ADAMTS17: variants seen among roughly 807,000 people sequenced by gnomAD.
ADAMTS17 encodes ADAM metallopeptidase with thrombospondin type 1 motif 17.
ADAMTS17 carries 113 observed loss-of-function variants against 141.5 expected under a neutral mutation model. The ratio of observed to expected loss-of-function variants is 0.80; its 90% CI spans 0.69 to 0.93. The LOEUF is 0.93. Ranked by LOEUF, ADAMTS17 falls within the 40% of genes least tolerant of loss-of-function variation. The probability of loss-of-function intolerance (pLI) is 0.00; values close to 1 mark genes in which losing one functional copy is unlikely to be tolerated. For synonymous variants in ADAMTS17, 768 were observed against 630.6 expected, an observed-to-expected ratio of 1.22 and a Z score of -3.27; for missense variants, 1,659 against 1,517.9, an observed-to-expected ratio of 1.09 and a Z score of -1.54.
chr15:100,235,592 G>A (rs558278998), intron 7 of ADAMTS17, among the ~76,000 whole-genome samples: 2 of 152,250 alleles, frequency 1.3e-5, no homozygotes, highest in South Asian at 2.1e-4. Context: ...GAAGGACCCC[G>A]AGGAAGCTGA....
intron 15 of ADAMTS17, among the ~76,000 whole-genome samples, chr15:100,058,171 T>C (rs1300596485): frequency 2.9e-5 from 4 of 138,658 alleles, no homozygotes; most frequent in Non-Finnish European, 6.2e-5. Context: ...CTAACCCTCC[T>C]ATCCCGGCTC....
At chr15:100,158,027 T>C (rs1169270538) in intron 8 of ADAMTS17, among the ~76,000 whole-genome samples, 1 of 152,116 alleles carries the variant, frequency 6.6e-6, no homozygotes, top group Non-Finnish European at 1.5e-5. Flanking sequence ...TAGCTGGGAC[T>C]AGAGGCACGC....
intron 8 of ADAMTS17, among the ~76,000 whole-genome samples, chr15:100,160,487 G>A (rs779933962): frequency 6.6e-6 from 1 of 152,192 alleles, no homozygotes; most frequent in Non-Finnish European, 1.5e-5. Flanking sequence ...TTTCTCAGTA[G>A]ACAACTTGGT....
At chr15:100,017,761 G>A (rs535573861) in intron 18 of ADAMTS17, among the ~76,000 whole-genome samples, 1 of 152,344 alleles carries the variant, frequency 6.6e-6, no homozygotes, top group Non-Finnish European at 1.5e-5. Context: ...CAGTGGGTCT[G>A]TGAGTCCTCT....
intron 7 of ADAMTS17, among the ~76,000 whole-genome samples, chr15:100,201,387 C>T (rs115360153): frequency 0.029 from 4,481 of 152,316 alleles, 231 homozygotes; most frequent in African/African-American, 0.1. Context: ...CTTTCCCCTT[C>T]AGCCATGATT....
rs143030288 is a variant in ADAMTS17, at chr15:100,104,493, G to T, written c.2016+4496C>A. 1.1e-4 allele frequency among the ~76,000 whole-genome samples: 16 copies of T among 152,262 alleles called. No individual in the cohort carries two copies. The East Asian group carries it at 1.2e-3, about 11-fold the overall frequency. ...TCAGCCTGCTATTTGGAGTGCAGTG[G>T]AATCTACTCAAAATGCCATTTTGAA... is the stretch of plus-strand genomic sequence containing the variant. On this transcript the variant is annotated intron_variant, in intron 14 of 21. Transcript: ENST00000268070.
At chr15:100,194,061 G>A (rs866464532) in intron 8 of ADAMTS17, among the ~76,000 whole-genome samples, 1 of 152,238 alleles carries the variant, frequency 6.6e-6, no homozygotes, top group Non-Finnish European at 1.5e-5. Context: ...TTTCTGCAAT[G>A]AGAAACCTTT....
At chr15:100,180,814 A>T (rs575805198) in intron 8 of ADAMTS17, among the ~76,000 whole-genome samples, 6 of 152,302 alleles carry the variant, frequency 3.9e-5, no homozygotes, top group African/African-American at 1.4e-4. Flanking sequence ...TGTAACCACT[A>T]CCTAGATACT....
At chr15:100,278,466 AAGC>A (rs1321840267) in intron 4 of ADAMTS17, among the ~76,000 whole-genome samples, 1 of 152,208 alleles carries the variant, frequency 6.6e-6, no homozygotes, top group Non-Finnish European at 1.5e-5. Context: ...CCACGTCGGA[AAGC>A]AGATCCCTGG....
At position 100,281,313 on chromosome 15, in the gene ADAMTS17, C is replaced by T. The variant is rs1227300943; in HGVS notation, c.705G>A (p.Glu235=). The change falls in exon 4 of 22, where the codon GAG becomes GAA. Residue 235 remains glutamate, a synonymous_variant. Coordinates refer to ENST00000268070, the MANE Select transcript of ADAMTS17 (RefSeq NM_139057.4). ...TGTCGGCGTCGGCCACCACCAGGGT[C>T]TCCACCGTGTGCTCGCTGGTGAGCC... ...AIRLTSEHTV[E]TLVVADADMV... is the part of the protein sequence containing the mutation. The T allele has an allele frequency of 1.2e-6, 2 of 1,610,018 alleles. No homozygotes were observed. The highest frequency in any genetic ancestry group is 1.3e-5 in the African/African-American group (1 of 74,944).
At chr15:100,034,342 T>G (rs1328232894) in intron 18 of ADAMTS17, among the ~76,000 whole-genome samples, 1 of 152,258 alleles carries the variant, frequency 6.6e-6, no homozygotes, top group African/African-American at 2.4e-5. Context: ...CGGAATCCCC[T>G]TTCCCTCTAA....
At chr15:100,087,589 T>A (rs1269414065) in intron 15 of ADAMTS17, among the ~76,000 whole-genome samples, 1 of 152,142 alleles carries the variant, frequency 6.6e-6, no homozygotes, top group Non-Finnish European at 1.5e-5. Flanking sequence ...AAAATCCTCA[T>A]TAAAATACTG....
chr15:100,110,607 G>A (rs2036713404), intron 13 of ADAMTS17, among the ~76,000 whole-genome samples: 1 of 152,098 alleles, frequency 6.6e-6, no homozygotes, highest in African/African-American at 2.4e-5. Context: ...AATAGATTTT[G>A]TTCTTCTGTA....
In ADAMTS17 at chr15:100,194,802, G is replaced by A. The variant is rs116140049; in HGVS notation, c.1181+4516C>T. Among the ~76,000 whole-genome samples the A allele has an allele frequency of 6.1e-3, 936 of 152,262 alleles. 12 individuals carry two copies. The highest frequency in any genetic ancestry group is 0.021 in the African/African-American group (878 of 41,526). ...CCCTGGGGCGTGTCATCCCAGCTGGGCAGTTTCTCTCAAGGAACTGCCCCC... is the reference window on the plus strand; with the variant it reads ...CCCTGGGGCGTGTCATCCCAGCTGGACAGTTTCTCTCAAGGAACTGCCCCC... On this transcript the variant is annotated intron_variant, in intron 8 of 21. Transcript: ENST00000268070.
chr15:100,267,700 C>G (rs1326016491), intron 4 of ADAMTS17, among the ~76,000 whole-genome samples: 1 of 152,080 alleles, frequency 6.6e-6, no homozygotes, highest in African/African-American at 2.4e-5. Context: ...CTCTAGTAGT[C>G]CGCAGTGTCT....
chr15:100,119,049 C>A (rs1395048591), intron 12 of ADAMTS17, among the ~76,000 whole-genome samples: 10 of 151,984 alleles, frequency 6.6e-5, no homozygotes, highest in African/African-American at 2.4e-4. Flanking sequence ...GAGATACACA[C>A]ACACACACAC....
intron 8 of ADAMTS17, among the ~76,000 whole-genome samples, chr15:100,162,510 G>A (rs1212205552): frequency 1.0e-5 from 1 of 100,402 alleles, no homozygotes; most frequent in Non-Finnish European, 2.0e-5. Flanking sequence ...CATTATATGT[G>A]TATATATATG....
At position 99,974,447 on chromosome 15, in the gene ADAMTS17, C is replaced by G. The variant is rs755550706; in HGVS notation, c.3243G>C (p.Arg1081Ser). Residue 1081 changes from arginine (R) to serine (S), a missense_variant, in exon 22 of 22, where the codon AGG becomes AGC. By Grantham distance (110) the Arg-to-Ser change is moderately radical. Coordinates refer to ENST00000268070, the MANE Select transcript of ADAMTS17 (RefSeq NM_139057.4). Reference protein sequence around the residue: ...RWYQRCCQTCRDFYANKMRQP... With the variant: ...RWYQRCCQTCSDFYANKMRQP... ...GGCGCATCTTGTTTGCATAGAAGTC[C>G]CTGCAGGTCTGGCAGCAGCGCTGGT... 1.2e-6 allele frequency: 2 copies of G among 1,614,210 alleles called. No homozygotes were observed. The highest frequency in any genetic ancestry group is 1.7e-6 in the Non-Finnish European group (2 of 1,180,038).
intron 12 of ADAMTS17, among the ~76,000 whole-genome samples, chr15:100,121,313 C>A (rs916346383): frequency 2.6e-5 from 4 of 152,010 alleles, no homozygotes; most frequent in Non-Finnish European, 5.9e-5. Context: ...CTGAAGCTTA[C>A]CAAATGTAAA....
Sources: allele counts gnomAD v4.1 joint callset (sites outside exome capture counted in the v4.1 genomes callset), GRCh38; gene constraint gnomAD v4.1.1; transcripts MANE v1.5; gene names NCBI Gene and HGNC (gene_info 2026-07-23, HGNC 2026-07-21).